OTUD7B: variants seen among roughly 807,000 people sequenced by gnomAD.
OTUD7B encodes the protein OTU deubiquitinase 7B.
A neutral mutation model predicts 82.2 loss-of-function variants in OTUD7B; 34 were observed. That is an observed-to-expected ratio of 0.41 (90% confidence interval 0.31 to 0.55). The LOEUF is 0.55. Ranked by LOEUF, OTUD7B falls within the 20% of genes least tolerant of loss-of-function variation. The probability of loss-of-function intolerance (pLI) is 0.20; values close to 1 mark genes in which losing one functional copy is unlikely to be tolerated. For missense variants in OTUD7B, 944 were observed against 1,062.1 expected (o/e 0.89, Z 1.55); for synonymous variants, 398 against 402.7 (o/e 0.99, Z 0.14).
chr1:150,062,708 C>CTTTTTTTTTTTT, the OTUD7B span, among the ~76,000 whole-genome samples: 47 of 96,048 alleles, frequency 4.9e-4, no homozygotes, highest in Non-Finnish European at 6.2e-4. Context: ...CTTCTTCTTT[C>CTTTTTTTTTTTT]TTTTTTTTTT....
intron 1 of OTUD7B, among the ~76,000 whole-genome samples, chr1:150,009,399 C>T (rs1471408794): frequency 3.9e-5 from 6 of 152,142 alleles, no homozygotes; most frequent in Admixed American, 3.9e-4. Flanking sequence ...AGGGATCCAG[C>T]CTCCTCAAAA....
the OTUD7B span, among the ~76,000 whole-genome samples, chr1:150,038,762 A>G: frequency 6.6e-6 from 1 of 152,068 alleles, no homozygotes; most frequent in African/African-American, 2.4e-5. Context: ...ATGATTTTTG[A>G]GTTTTATGTT....
rs782628564 is a variant in OTUD7B at position 149,962,492 on chromosome 1, ACTAAAACTATTGCTCCATT to A, written c.732+1711_732+1729del. The A allele has an allele frequency of 7.2e-5, 11 of 152,174 alleles. 1 individual carries two copies. The highest frequency in any genetic ancestry group is 1.6e-4 in the Non-Finnish European group (11 of 68,038). The allele number at this position is 152,174 out of a possible 1,614,324, so 9.4% of individuals were successfully genotyped here. ...AACTTTCACTGTGCTGAGCAAAAGG[ACTAAAACTATTGCTCCATT>A]ACTAGCCACTATTCTCTATGCATGT... On this transcript the variant is annotated intron_variant, in intron 6 of 11. Coordinates refer to ENST00000581312, the MANE Select transcript of OTUD7B (RefSeq NM_020205.4).
rs1241095429 is a variant in OTUD7B at position 149,942,249 on chromosome 1, T to A, written c.*1608A>T. The A allele has an allele frequency of 6.6e-6, 1 of 152,610 alleles. No individual in the cohort carries two copies. The highest frequency in any genetic ancestry group is 2.4e-5 in the African/African-American group (1 of 41,422). 9.5% of individuals were successfully genotyped at this position (152,610 alleles called of 1,614,324 possible). ...CCAGTTAATACTCTGGACACATAAGTACACTTATTCCCCTTCTTCACATGC... is the reference window on the plus strand; with the variant it reads ...CCAGTTAATACTCTGGACACATAAGAACACTTATTCCCCTTCTTCACATGC... On this transcript the variant is annotated 3_prime_UTR_variant, in exon 12 of 12. Transcript: ENST00000581312.
At chr1:149,966,015 A>G in intron 4 of OTUD7B, 137 bp from the exon 5 acceptor site, 1 of 627,762 alleles carries the variant, frequency 1.6e-6, no homozygotes, top group East Asian at 2.8e-5. Context: ...TACTCTTTAT[A>G]TCTTCCTCAC....
At chr1:149,970,216 A>AG (rs1206014503) in intron 3 of OTUD7B, among the ~76,000 whole-genome samples, 210 of 7,368 alleles carry the variant, frequency 0.029, no homozygotes, top group African/African-American at 0.041. Flanking sequence ...GATTGCCTCA[A>AG]GAAAAAAAAA....
At chr1:150,005,837 G>C (rs1559869149) in intron 1 of OTUD7B, among the ~76,000 whole-genome samples, 1 of 152,146 alleles carries the variant, frequency 6.6e-6, no homozygotes, top group Non-Finnish European at 1.5e-5. Context: ...CAGATACTGT[G>C]AATGAAGGCT....
chr1:150,026,216 G>T, the OTUD7B span, among the ~76,000 whole-genome samples: 1 of 152,164 alleles, frequency 6.6e-6, no homozygotes, highest in Non-Finnish European at 1.5e-5. Flanking sequence ...ATCAGAACAT[G>T]ATCACACTCA....
intron 3 of OTUD7B, among the ~76,000 whole-genome samples, chr1:149,970,091 T>C (rs1553777328): frequency 6.6e-6 from 1 of 151,864 alleles, no homozygotes; most frequent in Non-Finnish European, 1.5e-5. Context: ...TTCCACAACA[T>C]GGATGATTAC....
Position 149,998,081 on chromosome 1 carries a change from A to G in OTUD7B, c.-67+12367T>C, listed in dbSNP as rs116184212. ...ACCAAACCCAGCTCTCCTTATTGCT[A>G]TTACCCAGACTGAAAATGTGTGATC... On this transcript the variant is annotated intron_variant, in intron 1 of 11. Coordinates refer to ENST00000581312, the MANE Select transcript of OTUD7B (RefSeq NM_020205.4). Among the ~76,000 whole-genome samples, 1,408 of 152,262 alleles carry G rather than the reference A, an allele frequency of 9.2e-3. 25 individuals are homozygous for G. The highest frequency in any genetic ancestry group is 0.032 in the African/African-American group (1,347 of 41,524).
At chr1:150,002,474 T>C (rs1432218816) in intron 1 of OTUD7B, among the ~76,000 whole-genome samples, 1 of 152,168 alleles carries the variant, frequency 6.6e-6, no homozygotes, top group African/African-American at 2.4e-5. Flanking sequence ...AGGGAACATC[T>C]TTCTCAGTCA....
At chr1:150,019,347 A>G in the OTUD7B span, among the ~76,000 whole-genome samples, 1 of 151,682 alleles carries the variant, frequency 6.6e-6, no homozygotes, top group African/African-American at 2.4e-5. Flanking sequence ...AAAGCCCCCA[A>G]TTGTCTTTGT....
the OTUD7B span, chr1:150,050,352 C>CT: frequency 1.8e-3 from 267 of 152,182 alleles, 1 homozygote; most frequent in African/African-American, 6.1e-3. Context: ...CTACTTATGT[C>CT]TTTGAGTTGT....
chr1:150,013,012 C>T (rs1653143086), upstream of OTUD7B, among the ~76,000 whole-genome samples: 2 of 152,220 alleles, frequency 1.3e-5, no homozygotes, highest in Admixed American at 1.3e-4. Flanking sequence ...TAGTGATATG[C>T]AGCCATTTAG....
At chr1:150,045,178 G>A in the OTUD7B span, among the ~76,000 whole-genome samples, 3 of 148,900 alleles carry the variant, frequency 2.0e-5, no homozygotes, top group African/African-American at 5.0e-5. Flanking sequence ...TACAACCCCC[G>A]CCTTCCAGGT....
chr1:149,948,754 G>C (rs1329052358), intron 10 of OTUD7B, among the ~76,000 whole-genome samples: 1 of 152,128 alleles, frequency 6.6e-6, no homozygotes, highest in Admixed American at 6.6e-5. Flanking sequence ...AACAAGTTGA[G>C]ATGCTAGGAT....
At position 149,942,117 on chromosome 1, in the gene OTUD7B, C is replaced by T. The variant is rs1183537074; in HGVS notation, c.*1740G>A. ...ACACACACACATATGCACGCACGCA[C>T]ATGCATGCACGCTCAAGTGCTTTAG... On this transcript the variant is annotated 3_prime_UTR_variant, in exon 12 of 12. Coordinates refer to ENST00000581312, the MANE Select transcript of OTUD7B (RefSeq NM_020205.4). The T allele has an allele frequency of 6.6e-6, 1 of 152,620 alleles. No homozygotes were observed. Among genetic ancestry groups the T allele is most frequent in the Non-Finnish European group, 1.5e-5 (1 of 68,044 alleles). The allele number at this position is 152,620 out of a possible 1,614,324, so 9.5% of individuals were successfully genotyped here.
Position 149,969,154 on chromosome 1 carries a change from T to G in OTUD7B, c.275-1633A>C, listed in dbSNP as rs143790981. 2.6e-4 allele frequency among the ~76,000 whole-genome samples: 40 copies of G among 152,176 alleles called. 2 individuals are homozygous for G. In the East Asian group the frequency reaches 7.6e-3, roughly 29 times the overall value. ...CCTGGGCAACAGAGTGAGACCTAAT[T>G]TCTACAAAGAATCAAAAATTTAGCT... On this transcript the variant is annotated intron_variant, in intron 3 of 11. Transcript: ENST00000581312.
chr1:150,020,907 T>C, the OTUD7B span, among the ~76,000 whole-genome samples: 1 of 152,172 alleles, frequency 6.6e-6, no homozygotes, highest in East Asian at 1.9e-4. Flanking sequence ...AGGGTGTGGA[T>C]CTTTGACCCT....
Sources: gnomAD v4.1 joint callset for allele counts (sites outside exome capture counted in the v4.1 genomes callset) on GRCh38, gnomAD v4.1.1 for gene constraint, MANE v1.5 for transcripts, NCBI Gene and HGNC (gene_info 2026-07-23, HGNC 2026-07-21) for gene names.